The following HSPA6 variants were observed in gnomAD, a reference collection of about 807,000 sequenced individuals.
The protein encoded by HSPA6 is heat shock 70 kDa protein 6.
For synonymous variants in HSPA6, 312 were observed against 368.2 expected (o/e 0.85, Z 1.75); for missense variants, 718 against 860.9 (o/e 0.83, Z 2.08).
chr1:161,526,274 C>A lies in HSPA6; in HGVS notation c.1616C>A (p.Ala539Asp), dbSNP rs1445388720. Reference sequence around the variant, plus strand: ...GATGAGGCCCAGAGGGACAGAGTGGCTGCCAAAAACTCGCTGGAGGCCCAT... The same window carrying A: ...GATGAGGCCCAGAGGGACAGAGTGGATGCCAAAAACTCGCTGGAGGCCCAT... ...AEDEAQRDRV[A>D]AKNSLEAHVF... The change falls in exon 1 of 1, where the codon GCT becomes GAT. Residue 539 changes from alanine to aspartate, a missense_variant. Ala to Asp is a moderately radical substitution (Grantham distance 126). Coordinates refer to ENST00000309758, the MANE Select transcript of HSPA6 (RefSeq NM_002155.5). 6.2e-7 allele frequency: 1 copy of A among 1,613,002 alleles called. No homozygotes were observed. Among genetic ancestry groups the A allele is most frequent in the East Asian group, 2.2e-5 (1 of 44,844 alleles).
Position 161,526,795 on chromosome 1 carries a change from A to C in HSPA6, c.*205A>C. On this transcript the variant is annotated 3_prime_UTR_variant, in exon 1 of 1. Transcript: ENST00000309758. ...AAATAAAAAGTCATTAATTTATTAA[A>C]ACTTGTGTGGCACTTTAACATTGCT... 1 of 475,328 alleles carries C rather than the reference A, an allele frequency of 2.1e-6. No homozygotes were observed. Among genetic ancestry groups the C allele is most frequent in the Non-Finnish European group, 3.8e-6 (1 of 263,196 alleles). The allele number at this position is 475,328 out of a possible 1,614,324, so 29.4% of individuals were successfully genotyped here.
rs1179945729 is a variant in HSPA6, at chr1:161,525,709, T to A, written c.1051T>A (p.Leu351Met). 1 of 1,613,200 alleles carries A rather than the reference T, an allele frequency of 6.2e-7. No individual in the cohort carries two copies. Among genetic ancestry groups the A allele is most frequent in the Non-Finnish European group, 8.5e-7 (1 of 1,179,608 alleles). ...GSTRIPKVQK[L>M]LQDFFNGKEL... ...CACACGCATCCCCAAGGTGCAGAAG[T>A]TGCTGCAGGACTTCTTCAACGGCAA... is the stretch of plus-strand genomic sequence containing the variant. Residue 351 changes from leucine (L) to methionine (M), a missense_variant, in exon 1 of 1, where the codon TTG (leucine) becomes ATG (methionine). Physicochemically the swap from Leu to Met is conservative, Grantham distance 15 (BLOSUM62 2). Transcript: ENST00000309758.
In HSPA6 at chr1:161,525,353, G is replaced by A. The variant is rs761820336; in HGVS notation, c.695G>A (p.Gly232Glu). The change falls in exon 1 of 1, where the codon GGA (glycine) becomes GAA (glutamate). Residue 232 changes from glycine to glutamate, a missense_variant. Coordinates refer to ENST00000309758, the MANE Select transcript of HSPA6 (RefSeq NM_002155.5). ...ACTGCTGGAGATACCCACCTGGGAG[G>A]AGAGGACTTCGACAACCGGCTCGTG... The part of the protein sequence containing the change: ...KATAGDTHLG[G>E]EDFDNRLVNH... 10 of 1,613,642 alleles carry A rather than the reference G, an allele frequency of 6.2e-6. No individual in the cohort carries two copies. Among genetic ancestry groups the A allele is most frequent in the Non-Finnish European group, 8.5e-6 (10 of 1,179,780 alleles).
In HSPA6 at chr1:161,525,967, C is replaced by T. The variant is rs140320557; in HGVS notation, c.1309C>T (p.Gln437Ter). 5,451 of 1,613,592 alleles carry T rather than the reference C, an allele frequency of 3.4e-3. 42 individuals are homozygous for T. The highest frequency in any genetic ancestry group is 4.3e-3 in the Non-Finnish European group (5,039 of 1,179,808). ...GACTTTCACCACCTACTCGGACAAC[C>T]AGCCTGGGGTCTTCATCCAGGTGTA... ...TQTFTTYSDN[Q>*]PGVFIQVYEG... The change falls in exon 1 of 1, where the codon CAG becomes TAG. Residue 437 changes from glutamine (Q) to a stop codon, truncating the protein, a stop_gained. Coordinates refer to ENST00000309758, the MANE Select transcript of HSPA6 (RefSeq NM_002155.5). LOFTEE classifies it low-confidence loss of function (END_TRUNC).
Position 161,524,694 on chromosome 1 carries a change from C to T in HSPA6, c.36C>T (p.Asp12=), listed in dbSNP as rs376680227. 6.2e-5 allele frequency: 88 copies of T among 1,409,504 alleles called. 5 individuals carry two copies. In the South Asian group the frequency reaches 1.0e-3, roughly 17 times the overall value. 87.3% of individuals were successfully genotyped at this position (1,409,504 alleles called of 1,614,324 possible). Reference sequence around the variant, plus strand: ...CACGGGAGCTCGCGGTGGGCATCGACCTGGGCACCACCTACTCGTGCGTGG... The same window carrying T: ...CACGGGAGCTCGCGGTGGGCATCGATCTGGGCACCACCTACTCGTGCGTGG... ...QAPRELAVGI[D]LGTTYSCVGV... is the part of the protein sequence containing the mutation. Residue 12 remains aspartate (D), a synonymous_variant, in exon 1 of 1, where the codon GAC becomes GAT. Coordinates refer to ENST00000309758, the MANE Select transcript of HSPA6 (RefSeq NM_002155.5).
At position 161,525,755 on chromosome 1, in the gene HSPA6, A is replaced by G. The variant is rs1676674052; in HGVS notation, c.1097A>G (p.Asn366Ser). ...GGCAAGGAGCTGAACAAGAGCATCA[A>G]CCCTGATGAGGCTGTGGCCTATGGG... ...FNGKELNKSI[N>S]PDEAVAYGAA... is the part of the protein sequence containing the mutation. Residue 366 changes from asparagine to serine, a missense_variant, in exon 1 of 1, where the codon AAC (asparagine) becomes AGC (serine). Physicochemically the swap from Asn to Ser is conservative, Grantham distance 46 (BLOSUM62 1). Transcript: ENST00000309758. 1 of 1,607,822 alleles carries G rather than the reference A, an allele frequency of 6.2e-7. No homozygotes were observed. The highest frequency in any genetic ancestry group is 1.7e-5 in the Admixed American group (1 of 58,930).
Position 161,526,464 on chromosome 1 carries a change from G to T in HSPA6, c.1806G>T (p.Glu602Asp), listed in dbSNP as rs367720187. ...ATGAGCATCAGAAGAGGGAGCTGGA[G>T]CAAATCTGTCGCCCCATCTTCTCCA... Reference protein sequence around the residue: ...EEYEHQKRELEQICRPIFSRL... With the variant: ...EEYEHQKRELDQICRPIFSRL... Residue 602 changes from glutamate to aspartate, a missense_variant, in exon 1 of 1, where the codon GAG (glutamate) becomes GAT (aspartate). Glu to Asp is a conservative substitution (Grantham distance 45). Coordinates refer to ENST00000309758, the MANE Select transcript of HSPA6 (RefSeq NM_002155.5). The T allele has an allele frequency of 5.1e-6, 8 of 1,583,290 alleles. No homozygotes were observed. Among genetic ancestry groups the T allele is most frequent in the Non-Finnish European group, 6.9e-6 (8 of 1,163,688 alleles).
Position 161,525,408 on chromosome 1 carries a change from G to A in HSPA6, c.750G>A (p.Lys250=). The A allele has an allele frequency of 6.2e-7, 1 of 1,610,530 alleles. No individual in the cohort carries two copies. The highest frequency in any genetic ancestry group is 1.1e-5 in the South Asian group (1 of 90,706). ...VNHFMEEFRR[K]HGKDLSGNKR... is the part of the protein sequence containing the mutation. Reference sequence around the variant, plus strand: ...ACTTCATGGAAGAATTCCGGCGGAAGCATGGGAAGGACCTGAGCGGGAACA... The same window carrying A: ...ACTTCATGGAAGAATTCCGGCGGAAACATGGGAAGGACCTGAGCGGGAACA... Residue 250 remains lysine (K), a synonymous_variant, in exon 1 of 1, where the codon AAG becomes AAA. Coordinates refer to ENST00000309758, the MANE Select transcript of HSPA6 (RefSeq NM_002155.5).
Position 161,525,663 on chromosome 1 carries a change from C to T in HSPA6, c.1005C>T (p.Asp335=), listed in dbSNP as rs375914735. The change falls in exon 1 of 1, where the codon GAC becomes GAT. Residue 335 remains aspartate, a synonymous_variant. Transcript: ENST00000309758. ...AGCTGGACAAGGCCCAGATTCATGA[C>T]GTCGTCCTGGTGGGGGGCTCCACAC... ...DAKLDKAQIH[D]VVLVGGSTRI... 3.7e-6 allele frequency: 6 copies of T among 1,613,950 alleles called. No individual in the cohort carries two copies. The highest frequency in any genetic ancestry group is 5.1e-6 in the Non-Finnish European group (6 of 1,179,916).
rs759347637 is a variant in HSPA6, at chr1:161,526,510, G to A, written c.1852G>A (p.Val618Ile). The change falls in exon 1 of 1, where the codon GTC (valine) becomes ATC (isoleucine). Residue 618 changes from valine (V) to isoleucine (I), a missense_variant. Val to Ile is a conservative substitution (Grantham distance 29, BLOSUM62 3). Transcript: ENST00000309758. ...IFSRLYGGPG[V>I]PGGSSCGTQA... Reference sequence around the variant, plus strand: ...CTCCAGGCTCTATGGGGGGCCTGGTGTCCCTGGGGGCAGCAGTTGTGGCAC... The same window carrying A: ...CTCCAGGCTCTATGGGGGGCCTGGTATCCCTGGGGGCAGCAGTTGTGGCAC... 69 of 1,600,654 alleles carry A rather than the reference G, an allele frequency of 4.3e-5. 1 individual carries two copies. Among genetic ancestry groups the A allele is most frequent in the Admixed American group, 6.8e-5 (4 of 59,122 alleles).
At position 161,525,276 on chromosome 1, in the gene HSPA6, C is replaced by T. The variant is rs1676647685; in HGVS notation, c.618C>T (p.Thr206=). 6.2e-7 allele frequency: 1 copy of T among 1,614,074 alleles called. No individual in the cohort carries two copies. Among genetic ancestry groups the T allele is most frequent in the Non-Finnish European group, 8.5e-7 (1 of 1,179,972 alleles). ...NVLIFDLGGG[T]FDVSVLSIDA... is the part of the protein sequence containing the mutation. ...TCATTTTTGACCTGGGTGGGGGCAC[C>T]TTCGATGTGTCGGTTCTCTCCATTG... The change falls in exon 1 of 1, where the codon ACC becomes ACT. Residue 206 remains threonine (T), a synonymous_variant. Transcript: ENST00000309758.
Position 161,525,667 on chromosome 1 carries a change from G to A in HSPA6, c.1009G>A (p.Val337Ile), listed in dbSNP as rs1157013376. ...GGACAAGGCCCAGATTCATGACGTC[G>A]TCCTGGTGGGGGGCTCCACACGCAT... Reference protein sequence around the residue: ...KLDKAQIHDVVLVGGSTRIPK... With the variant: ...KLDKAQIHDVILVGGSTRIPK... The change falls in exon 1 of 1, where the codon GTC becomes ATC. Residue 337 changes from valine to isoleucine, a missense_variant. By Grantham distance (29) the Val-to-Ile change is conservative. Transcript: ENST00000309758. 6.2e-7 allele frequency: 1 copy of A among 1,613,980 alleles called. No homozygotes were observed. Among genetic ancestry groups the A allele is most frequent in the South Asian group, 1.1e-5 (1 of 91,054 alleles).
In HSPA6 at chr1:161,526,347, G is replaced by C. The variant is rs1316735108; in HGVS notation, c.1689G>C (p.Lys563Asn). The change falls in exon 1 of 1, where the codon AAG (lysine) becomes AAC (asparagine). Residue 563 changes from lysine (K) to asparagine (N), a missense_variant. Lys to Asn is a moderately conservative substitution (Grantham distance 94). Transcript: ENST00000309758. Reference sequence around the variant, plus strand: ...TGCAAGAGGAAAGCCTTAGGGACAAGATTCCCGAAGAGGACAGGCGCAAAA... The same window carrying C: ...TGCAAGAGGAAAGCCTTAGGGACAACATTCCCGAAGAGGACAGGCGCAAAA... ...GSLQEESLRD[K>N]IPEEDRRKMQ... 6.2e-7 allele frequency: 1 copy of C among 1,603,168 alleles called. No homozygotes were observed. The highest frequency in any genetic ancestry group is 8.5e-7 in the Non-Finnish European group (1 of 1,174,198).
rs375517694 is a variant in HSPA6, at chr1:161,525,212, A to G, written c.554A>G (p.Tyr185Cys). 1.4e-5 allele frequency: 22 copies of G among 1,613,854 alleles called. No individual in the cohort carries two copies. Among genetic ancestry groups the G allele is most frequent in the Non-Finnish European group, 1.8e-5 (21 of 1,179,958 alleles). ...INEPTAAAIA[Y>C]GLDRRGAGER... ...GAGCCCACGGCAGCTGCCATCGCCTATGGGCTGGACCGGCGGGGCGCGGGA... is the reference window on the plus strand; with the variant it reads ...GAGCCCACGGCAGCTGCCATCGCCTGTGGGCTGGACCGGCGGGGCGCGGGA... The change falls in exon 1 of 1, where the codon TAT (tyrosine) becomes TGT (cysteine). Residue 185 changes from tyrosine (Y) to cysteine (C), a missense_variant. Coordinates refer to ENST00000309758, the MANE Select transcript of HSPA6 (RefSeq NM_002155.5).
In HSPA6 at chr1:161,525,917, C is replaced by T; in HGVS notation, c.1259C>T (p.Ala420Val). Residue 420 changes from alanine to valine, a missense_variant, in exon 1 of 1, where the codon GCC (alanine) becomes GTC (valine). Coordinates refer to ENST00000309758, the MANE Select transcript of HSPA6 (RefSeq NM_002155.5). ...GVMTTLIQRN[A>V]TIPTKQTQTF... is the part of the protein sequence containing the mutation. ...ATGACCACGCTGATCCAGAGGAACG[C>T]CACTATCCCCACCAAGCAGACCCAG... The T allele has an allele frequency of 6.2e-7, 1 of 1,606,052 alleles. No individual in the cohort carries two copies.
In HSPA6 at chr1:161,526,241, A is replaced by G. The variant is rs570167; in HGVS notation, c.1583A>G (p.Lys528Arg). Residue 528 changes from lysine (K) to arginine (R), a missense_variant, in exon 1 of 1, where the codon AAG (lysine) becomes AGG (arginine). Lys to Arg is a conservative substitution (Grantham distance 26, BLOSUM62 2). Coordinates refer to ENST00000309758, the MANE Select transcript of HSPA6 (RefSeq NM_002155.5). ...ERMVHEAEQY[K>R]AEDEAQRDRV... The stretch of plus-strand genomic sequence containing the variant: ...ATGGTTCATGAAGCCGAGCAGTACA[A>G]GGCTGAGGATGAGGCCCAGAGGGAC... The G allele has an allele frequency of 3.8e-5, 62 of 1,613,442 alleles. 2 individuals are homozygous for G. The highest frequency in any genetic ancestry group is 3.0e-4 in the South Asian group (27 of 90,994).
rs997516519 is a variant in HSPA6, at chr1:161,526,104, T to C, written c.1446T>C (p.Ile482=). ...GVPQIEVTFD[I]DANGILSVTA... is the part of the protein sequence containing the mutation. ...CCCAGATAGAGGTGACTTTTGACAT[T>C]GATGCTAATGGCATCCTGAGCGTGA... Residue 482 remains isoleucine, a synonymous_variant, in exon 1 of 1, where the codon ATT becomes ATC. Transcript: ENST00000309758. 9.9e-6 allele frequency: 16 copies of C among 1,613,734 alleles called. No homozygotes were observed. The highest frequency in any genetic ancestry group is 1.4e-5 in the Non-Finnish European group (16 of 1,179,860).
chr1:161,525,176 G>C lies in HSPA6; in HGVS notation c.518G>C (p.Arg173Pro), dbSNP rs41297708. The change falls in exon 1 of 1, where the codon CGG becomes CCG. Residue 173 changes from arginine to proline, a missense_variant. Arg to Pro is a moderately radical substitution (Grantham distance 103). Transcript: ENST00000309758. The part of the protein sequence containing the change: ...AGAIAGLNVL[R>P]IINEPTAAAI... ...GCCATCGCGGGGCTCAACGTGTTGC[G>C]GATCATCAATGAGCCCACGGCAGCT... 12 of 1,613,800 alleles carry C rather than the reference G, an allele frequency of 7.4e-6. No individual in the cohort carries two copies. The Admixed American group carries it at 1.7e-4, about 22-fold the overall frequency.
chr1:161,526,036 C>T lies in HSPA6; in HGVS notation c.1378C>T (p.Arg460Cys), dbSNP rs1676688846. 2 of 1,613,622 alleles carry T rather than the reference C, an allele frequency of 1.2e-6. No homozygotes were observed. Among genetic ancestry groups the T allele is most frequent in the East Asian group, 2.2e-5 (1 of 44,870 alleles). The change falls in exon 1 of 1, where the codon CGT becomes TGT. Residue 460 changes from arginine to cysteine, a missense_variant. By Grantham distance (180) the Arg-to-Cys change is radical (BLOSUM62 -3). Transcript: ENST00000309758. ...AMTKDNNLLGRFELSGIPPAP... is the reference protein window; with the variant it reads ...AMTKDNNLLGCFELSGIPPAP... ...GACCAAGGACAACAACCTGCTGGGG[C>T]GTTTTGAACTCAGTGGCATCCCTCC... is the stretch of plus-strand genomic sequence containing the variant.
Sources: allele counts gnomAD v4.1 joint callset, GRCh38; gene constraint gnomAD v4.1.1; transcripts MANE v1.5; gene names NCBI Gene and HGNC (gene_info 2026-07-23, HGNC 2026-07-21).